Variants in FAM186A observed in about 807,000 individuals in gnomAD.
FAM186A encodes the protein protein FAM186A.
In FAM186A, 163 loss-of-function variants were observed where a neutral mutation model predicts 216.8. The ratio of observed to expected loss-of-function variants is 0.75; its 90% CI spans 0.66 to 0.86. The LOEUF is 0.86. Ranked by LOEUF, FAM186A falls within the 40% of genes least tolerant of loss-of-function variation. The pLI is 0.00. For synonymous variants in FAM186A, 805 were observed against 1,025.3 expected (o/e 0.79, Z 4.10); for missense variants, 2,184 against 2,746.2 (o/e 0.80, Z 4.58).
intron 4 of FAM186A, among the ~76,000 whole-genome samples, chr12:50,339,478 A>G (rs115038075): frequency 5.3e-4 from 80 of 152,254 alleles, no homozygotes; most frequent in African/African-American, 1.9e-3. Flanking sequence ...CTTTCAAAAC[A>G]TTTAGGTGGA....
In FAM186A at chr12:50,327,328, TTTTAC is replaced by T; in HGVS notation, c.*50_*54del. On this transcript the variant is annotated 3_prime_UTR_variant, in exon 8 of 8. Coordinates refer to ENST00000327337, the MANE Select transcript of FAM186A (RefSeq NM_001145475.3). The stretch of plus-strand genomic sequence containing the variant: ...CGCATGAAAGAGAACAAAATAGGCA[TTTTAC>T]TGAAAGATACTGAAATGTACTTTCA... 2.1e-6 allele frequency: 3 copies of T among 1,435,242 alleles called. No homozygotes were observed. Among genetic ancestry groups the T allele is most frequent in the Non-Finnish European group, 2.9e-6 (3 of 1,042,582 alleles). The allele number at this position is 1,435,242 out of a possible 1,614,324, so 88.9% of individuals were successfully genotyped here.
intron 4 of FAM186A, among the ~76,000 whole-genome samples, chr12:50,335,899 G>A (rs1468940359): frequency 1.3e-5 from 2 of 152,094 alleles, no homozygotes; most frequent in Non-Finnish European, 2.9e-5. Context: ...GCCGAGGTGG[G>A]CAGATCACGA....
chr12:50,350,524 T>C lies in FAM186A; in HGVS notation c.6308A>G (p.Lys2103Arg). 1.9e-6 allele frequency: 3 copies of C among 1,551,652 alleles called. No homozygotes were observed. The highest frequency in any genetic ancestry group is 1.7e-6 in the Non-Finnish European group (2 of 1,146,982). Reference sequence around the variant, plus strand: ...AGCCTCCACATCAACAAAATACCTCTTTTCTTCAAGTTCTTGAGGAGAGGA... The same window carrying C: ...AGCCTCCACATCAACAAAATACCTCCTTTCTTCAAGTTCTTGAGGAGAGGA... ...PPSSPQELEE[K>R]RYFVDVEAQK... Residue 2103 changes from lysine (K) to arginine (R), a missense_variant, in exon 4 of 8, where the codon AAG becomes AGG. Coordinates refer to ENST00000327337, the MANE Select transcript of FAM186A (RefSeq NM_001145475.3).
chr12:50,355,783 A>G lies in FAM186A; in HGVS notation c.1049T>C (p.Leu350Ser), dbSNP rs1942969386. 1 of 1,551,500 alleles carries G rather than the reference A, an allele frequency of 6.4e-7. No homozygotes were observed. Among genetic ancestry groups the G allele is most frequent in the South Asian group, 1.2e-5 (1 of 84,058 alleles). Reference sequence around the variant, plus strand: ...TGGAGAAGGTCCAGGTAACACTTTCAAGGTTGATGATGTGGACAATTTTGC... The same window carrying G: ...TGGAGAAGGTCCAGGTAACACTTTCGAGGTTGATGATGTGGACAATTTTGC... ...LYAKLSTSST[L>S]KVLPGPSPQS... Residue 350 changes from leucine to serine, a missense_variant, in exon 4 of 8, where the codon TTG becomes TCG. By Grantham distance (145) the Leu-to-Ser change is moderately radical (BLOSUM62 -2). Coordinates refer to ENST00000327337, the MANE Select transcript of FAM186A (RefSeq NM_001145475.3).
At position 50,351,079 on chromosome 12, in the gene FAM186A, C is replaced by T. The variant is rs983553848; in HGVS notation, c.5753G>A (p.Arg1918Gln). The T allele has an allele frequency of 2.2e-5, 34 of 1,551,214 alleles. No homozygotes were observed. The highest frequency in any genetic ancestry group is 1.4e-4 in the Admixed American group (7 of 50,948). The change falls in exon 4 of 8, where the codon CGA becomes CAA. Residue 1918 changes from arginine (R) to glutamine (Q), a missense_variant. Physicochemically the swap from Arg to Gln is conservative, Grantham distance 43. This residue lies in a region of FAM186A where 721 missense variants were observed against 816.4 expected (regional missense o/e 0.88). Coordinates refer to ENST00000327337, the MANE Select transcript of FAM186A (RefSeq NM_001145475.3). ...QHLATWTLPG[R>Q]ASSLWIPPTS... ...GGGAGGGATCCATAATGAAGAAGCT[C>T]GCCCAGGAAGGGTCCATGTTGCCAG... is the stretch of plus-strand genomic sequence containing the variant.
At chr12:50,377,712 A>C (rs1245252104) in intron 1 of FAM186A, among the ~76,000 whole-genome samples, 1 of 151,702 alleles carries the variant, frequency 6.6e-6, no homozygotes, top group Non-Finnish European at 1.5e-5. Context: ...TGGCACCTAT[A>C]ATCCCAGCTA....
chr12:50,375,877 C>T (rs1234681462), intron 1 of FAM186A, among the ~76,000 whole-genome samples: 1 of 152,046 alleles, frequency 6.6e-6, no homozygotes, highest in Non-Finnish European at 1.5e-5. Context: ...ACCTACTAGG[C>T]CCAGCAAGCT....
In FAM186A at chr12:50,363,128, C is replaced by T. The variant is rs751529727; in HGVS notation, c.412+17G>A. On this transcript the variant is annotated intron_variant, in intron 2 of 7. Coordinates refer to ENST00000327337, the MANE Select transcript of FAM186A (RefSeq NM_001145475.3). ...TTAACTTTATGGTTTTCCTCTGAAC[C>T]GCTTCTGTAAACTTACTCCATTCTT... 1.3e-4 allele frequency: 200 copies of T among 1,522,242 alleles called. No individual in the cohort carries two copies. Among genetic ancestry groups the T allele is most frequent in the Admixed American group, 3.9e-4 (18 of 46,240 alleles). 94.3% of individuals were successfully genotyped at this position (1,522,242 alleles called of 1,614,324 possible).
At position 50,394,509 on chromosome 12, in the gene FAM186A, G is replaced by A. The variant is rs543093843; in HGVS notation, c.192+1784C>T. 3.6e-4 allele frequency among the ~76,000 whole-genome samples: 54 copies of A among 151,792 alleles called. No individual in the cohort carries two copies. The East Asian group carries it at 9.9e-3, about 28-fold the overall frequency. On this transcript the variant is annotated intron_variant, in intron 1 of 7. Coordinates refer to ENST00000327337, the MANE Select transcript of FAM186A (RefSeq NM_001145475.3). ...ATGGAGGTTGCAGTGAGCCAAGATC[G>A]CGCCACTGCACTCAGCCTGAACAAT...
intron 2 of FAM186A, among the ~76,000 whole-genome samples, chr12:50,362,643 C>G (rs976869715): frequency 1.4e-5 from 2 of 147,222 alleles, no homozygotes; most frequent in African/African-American, 2.5e-5. Context: ...ACTAGGGAGG[C>G]TGAGGCAGGA....
chr12:50,340,152 T>G (rs1331790186), intron 4 of FAM186A, among the ~76,000 whole-genome samples: 1 of 152,118 alleles, frequency 6.6e-6, no homozygotes, highest in Non-Finnish European at 1.5e-5. Flanking sequence ...TTACTGACTT[T>G]TACTGGTTCT....
chr12:50,328,226 T>C (rs1942623653), intron 7 of FAM186A, among the ~76,000 whole-genome samples: 1 of 152,168 alleles, frequency 6.6e-6, no homozygotes, highest in Non-Finnish European at 1.5e-5. Flanking sequence ...ATGATATATC[T>C]ATACAATGGG....
intron 1 of FAM186A, among the ~76,000 whole-genome samples, chr12:50,375,740 G>A (rs573046727): frequency 2.4e-4 from 36 of 149,938 alleles, no homozygotes; most frequent in African/African-American, 6.8e-4. Flanking sequence ...AAAAGAAAAA[G>A]AAAAAGAAAT....
At chr12:50,387,586 T>C (rs959885130) in intron 1 of FAM186A, among the ~76,000 whole-genome samples, 2 of 152,194 alleles carry the variant, frequency 1.3e-5, no homozygotes, top group Non-Finnish European at 2.9e-5. Flanking sequence ...GTCTGATTTA[T>C]GTAAGGCTCA....
intron 1 of FAM186A, among the ~76,000 whole-genome samples, chr12:50,373,404 C>A (rs1242223057): frequency 6.6e-5 from 10 of 152,000 alleles, no homozygotes; most frequent in Non-Finnish European, 1.5e-5. Context: ...CTCAAAAAAA[C>A]AAAACAGAAA....
intron 4 of FAM186A, among the ~76,000 whole-genome samples, chr12:50,345,141 AAAAAC>A (rs1942800318): frequency 6.6e-6 from 1 of 152,158 alleles, no homozygotes; most frequent in South Asian, 2.1e-4. Flanking sequence ...ACTTCGTCTA[AAAAAC>A]AAAACAAAAC....
At chr12:50,377,148 AG>A (rs1592628839) in intron 1 of FAM186A, among the ~76,000 whole-genome samples, 1 of 152,154 alleles carries the variant, frequency 6.6e-6, no homozygotes, top group Non-Finnish European at 1.5e-5. Context: ...GGTAGTAAAA[AG>A]GGGGAAAAAA....
In FAM186A at chr12:50,351,889, C is replaced by T. The variant is rs888564009; in HGVS notation, c.4943G>A (p.Gly1648Glu). 8 of 1,546,942 alleles carry T rather than the reference C, an allele frequency of 5.2e-6. No individual in the cohort carries two copies. In the Admixed American group the frequency reaches 1.4e-4, roughly 27 times the overall value. Residue 1648 changes from glycine to glutamate, a missense_variant, in exon 4 of 8, where the codon GGA becomes GAA. Gly to Glu is a moderately conservative substitution (Grantham distance 98). Coordinates refer to ENST00000327337, the MANE Select transcript of FAM186A (RefSeq NM_001145475.3). ...TLTPQQAQAL[G>E]VPITPVNAWV... Reference sequence around the variant, plus strand: ...GGCATTTACTGGGGTGATGGGGACTCCCAGTGCCTGGGCCTGCTGAGGGGT... The same window carrying T: ...GGCATTTACTGGGGTGATGGGGACTTCCAGTGCCTGGGCCTGCTGAGGGGT...
intron 1 of FAM186A, chr12:50,365,582 ATAATAAGAG>A: frequency 2.1e-6 from 1 of 472,606 alleles, no homozygotes; most frequent in Non-Finnish European, 3.8e-6. Context: ...TACAGTCCGT[ATAATAAGAG>A]TAAGATAAGT....
Sources: allele counts gnomAD v4.1 joint callset (sites outside exome capture counted in the v4.1 genomes callset), GRCh38; gene constraint gnomAD v4.1.1; regional missense constraint gnomAD v4.1.1; transcripts MANE v1.5; gene names NCBI Gene and HGNC (gene_info 2026-07-23, HGNC 2026-07-21).